Variants in NAV3 observed in about 807,000 individuals in gnomAD.
NAV3 encodes the protein pore membrane and/or filament interacting like protein 1.
NAV3 carries 87 observed loss-of-function variants against 244.7 expected under a neutral mutation model. That is an observed-to-expected ratio of 0.36 (90% CI 0.30 to 0.42). The LOEUF (loss-of-function observed/expected upper bound fraction) is 0.42. Among genes scored for constraint, NAV3 ranks in the 20% least tolerant of loss-of-function variants. NAV3 has a pLI of 1.00. For missense variants in NAV3, 2,663 were observed against 2,893.3 expected, an observed-to-expected ratio of 0.92 and a Z score of 1.83; for synonymous variants, 1,126 against 1,042.2, an observed-to-expected ratio of 1.08 and a Z score of -1.55.
intron 12 of NAV3, among the ~76,000 whole-genome samples, chr12:78,097,443 G>A (rs1335801155): frequency 6.6e-6 from 1 of 152,176 alleles, no homozygotes; most frequent in African/African-American, 2.4e-5. Context: ...GTGCTGGGAT[G>A]TGAATCTCTT....
chr12:77,743,326 T>G (rs182011781), intron 2 of NAV3, among the ~76,000 whole-genome samples: 2 of 151,996 alleles, frequency 1.3e-5, no homozygotes, highest in African/African-American at 4.8e-5. Flanking sequence ...TTCTGAGAAG[T>G]CAAAAGTTAT....
At chr12:78,093,642 GA>G (rs201911788) in intron 12 of NAV3, among the ~76,000 whole-genome samples, 155 of 148,580 alleles carry the variant, frequency 1.0e-3, no homozygotes, top group African/African-American at 3.3e-3. Flanking sequence ...CACTCTGGGG[GA>G]AAAAAAAAGT....
chr12:77,598,687 AG>A (rs1565730886), intron 2 of NAV3, among the ~76,000 whole-genome samples: 2 of 152,004 alleles, frequency 1.3e-5, no homozygotes, highest in Admixed American at 6.6e-5. Context: ...AGGTAATAAA[AG>A]TACACATTTT....
intron 1 of NAV3, among the ~76,000 whole-genome samples, chr12:77,879,161 C>G (rs139417716): frequency 6.6e-6 from 1 of 152,110 alleles, no homozygotes; most frequent in Non-Finnish European, 1.5e-5. Flanking sequence ...GTTGCGAACC[C>G]GCTTGGATAG....
At chr12:78,001,665 A>T (rs1337093000) in intron 7 of NAV3, among the ~76,000 whole-genome samples, 1 of 152,208 alleles carries the variant, frequency 6.6e-6, no homozygotes, top group East Asian at 1.9e-4. Context: ...TTGAAAAAAT[A>T]GTGTGCTCGT....
chr12:77,962,646 G>A (rs1336126337), intron 3 of NAV3, among the ~76,000 whole-genome samples: 1 of 152,052 alleles, frequency 6.6e-6, no homozygotes, highest in Non-Finnish European at 1.5e-5. Flanking sequence ...AACCCCACCA[G>A]AAAAGAGGCA....
intron 1 of NAV3, among the ~76,000 whole-genome samples, chr12:77,866,670 A>G (rs1269827776): frequency 6.6e-6 from 1 of 152,176 alleles, no homozygotes; most frequent in Non-Finnish European, 1.5e-5. Context: ...AGGATTTAAA[A>G]CCTCATATGT....
At chr12:77,975,581 A>C (rs898820685) in intron 5 of NAV3, among the ~76,000 whole-genome samples, 1 of 152,218 alleles carries the variant, frequency 6.6e-6, no homozygotes, top group African/African-American at 2.4e-5. Flanking sequence ...TTGTCGGTGA[A>C]TATCTCAGGG....
intron 3 of NAV3, among the ~76,000 whole-genome samples, chr12:77,957,913 G>T (rs903262093): frequency 6.6e-6 from 1 of 152,048 alleles, no homozygotes; most frequent in Non-Finnish European, 1.5e-5. Flanking sequence ...TTGTCTGCCC[G>T]CCTTGGCCTC....
chr12:78,109,149 GATC>G (rs1566143675), intron 12 of NAV3, among the ~76,000 whole-genome samples: 1 of 151,980 alleles, frequency 6.6e-6, no homozygotes, highest in Non-Finnish European at 1.5e-5. Flanking sequence ...AAATAAAAAG[GATC>G]ATCAGAGACT....
chr12:78,122,267 T>C lies in NAV3; in HGVS notation c.4077T>C (p.Asp1359=), dbSNP rs1955705309. Residue 1359 remains aspartate (D), a synonymous_variant, in exon 16 of 40, where the codon GAT becomes GAC. Coordinates refer to ENST00000397909, the MANE Select transcript of NAV3 (RefSeq NM_001024383.2). ...NMSSSSAGSK[D]TPSYQSMTSL... ...GCAGTTCCTCTGCAGGCAGCAAGGA[T>C]ACTCCGAGCTACCAGTCCATGACTA... 2 of 1,614,124 alleles carry C rather than the reference T, an allele frequency of 1.2e-6. No homozygotes were observed. Among genetic ancestry groups the C allele is most frequent in the Non-Finnish European group, 1.7e-6 (2 of 1,180,014 alleles).
At chr12:77,902,245 C>A (rs1002622409) in intron 1 of NAV3, among the ~76,000 whole-genome samples, 7 of 152,186 alleles carry the variant, frequency 4.6e-5, no homozygotes, top group African/African-American at 1.7e-4. Context: ...ATTGTTTTCA[C>A]TCTGTGAATT....
chr12:77,962,971 A>G (rs1365331778), intron 3 of NAV3, among the ~76,000 whole-genome samples: 27 of 152,164 alleles, frequency 1.8e-4, no homozygotes, highest in Admixed American at 1.8e-3. Context: ...ATTCTAATTA[A>G]AATTTCACCC....
chr12:78,011,115 AT>A (rs1190619452), intron 8 of NAV3, among the ~76,000 whole-genome samples: 1 of 152,172 alleles, frequency 6.6e-6, no homozygotes, highest in Non-Finnish European at 1.5e-5. Context: ...TAAAGAAAAT[AT>A]TTTATTTTGG....
chr12:77,699,852 T>C (rs1875483679), intron 2 of NAV3, among the ~76,000 whole-genome samples: 1 of 151,476 alleles, frequency 6.6e-6, no homozygotes, highest in African/African-American at 2.4e-5. Context: ...ACTCCATAGA[T>C]TGAAGGAGTC....
intron 9 of NAV3, among the ~76,000 whole-genome samples, chr12:78,031,808 C>T (rs1033237689): frequency 6.6e-5 from 10 of 150,944 alleles, no homozygotes; most frequent in Non-Finnish European, 1.2e-4. Context: ...GTGGGTGCAG[C>T]GCACCAGCAT....
chr12:77,728,300 T>C (rs1436737698), intron 2 of NAV3, among the ~76,000 whole-genome samples: 2 of 151,994 alleles, frequency 1.3e-5, no homozygotes, highest in Non-Finnish European at 2.9e-5. Flanking sequence ...GAGTAATATA[T>C]TGCTGATTTA....
intron 36 of NAV3, 179 bp from the exon 37 acceptor site, chr12:78,199,156 T>G (rs761654796): frequency 1.5e-6 from 1 of 681,620 alleles, no homozygotes; most frequent in South Asian, 1.5e-5. Context: ...ATTATAGCTC[T>G]CATCCTAGTA....
At chr12:77,915,132 C>T (rs1285787388) in intron 1 of NAV3, among the ~76,000 whole-genome samples, 1 of 152,022 alleles carries the variant, frequency 6.6e-6, no homozygotes, top group Non-Finnish European at 1.5e-5. Flanking sequence ...AATTTCTCCA[C>T]CCTGGATTTA....
Sources: gnomAD v4.1 joint callset for allele counts (sites outside exome capture counted in the v4.1 genomes callset) on GRCh38, gnomAD v4.1.1 for gene constraint, MANE v1.5 for transcripts, NCBI Gene and HGNC (gene_info 2026-07-23, HGNC 2026-07-21) for gene names.